The following CCDC198 variants were observed in gnomAD, a reference collection of about 807,000 sequenced individuals.
CCDC198 encodes the protein factor associated with metabolism and energy.
CCDC198 carries 18 observed loss-of-function variants against 35.6 expected under a neutral mutation model. The ratio of observed to expected loss-of-function variants is 0.51; its 90% CI spans 0.35 to 0.75. The LOEUF (loss-of-function observed/expected upper bound fraction) is 0.75. Ranked by LOEUF, CCDC198 falls within the 30% of genes least tolerant of loss-of-function variation. CCDC198 has a pLI of 0.01. For missense variants in CCDC198, 365 were observed against 343.7 expected (o/e 1.06, Z -0.49); for synonymous variants, 119 against 113.4 (o/e 1.05, Z -0.31).
chr14:57,476,928 T>C (rs1411261213), intron 5 of CCDC198, among the ~76,000 whole-genome samples: 1 of 152,190 alleles, frequency 6.6e-6, no homozygotes, highest in Non-Finnish European at 1.5e-5. Context: ...CAAAAAGGAA[T>C]CATCGCTAGG....
intron 5 of CCDC198, among the ~76,000 whole-genome samples, chr14:57,472,477 C>T (rs1274062188): frequency 6.6e-6 from 1 of 152,164 alleles, no homozygotes; most frequent in Non-Finnish European, 1.5e-5. Context: ...GAATATTGCA[C>T]AGGTGACATT....
rs147423851 is a variant in CCDC198, at chr14:57,476,365, G to A, written c.655+4230C>T. 2.4e-3 allele frequency among the ~76,000 whole-genome samples: 369 copies of A among 152,254 alleles called. 2 individuals carry two copies. The highest frequency in any genetic ancestry group is 7.9e-3 in the African/African-American group (328 of 41,550). Reference sequence around the variant, plus strand: ...AAGAAAAGGTCCCTGCCTTCATGGAGCTTCCATTTAGTAGATGCACTACTG... The same window carrying A: ...AAGAAAAGGTCCCTGCCTTCATGGAACTTCCATTTAGTAGATGCACTACTG... On this transcript the variant is annotated intron_variant, in intron 5 of 5. Transcript: ENST00000216445.
intron 2 of CCDC198, among the ~76,000 whole-genome samples, chr14:57,486,981 T>C (rs1348309018): frequency 6.6e-6 from 1 of 152,162 alleles, no homozygotes; most frequent in Non-Finnish European, 1.5e-5. Flanking sequence ...GCACCTGGGA[T>C]CTCTTCATTA....
intron 5 of CCDC198, chr14:57,480,353 C>A: frequency 1.1e-6 from 1 of 930,802 alleles, no homozygotes; most frequent in Non-Finnish European, 1.3e-6. Flanking sequence ...ATGAAGCATG[C>A]AAAGCATATT....
At chr14:57,483,353 T>C in intron 2 of CCDC198, 1 of 677,700 alleles carries the variant, frequency 1.5e-6, no homozygotes, top group Non-Finnish European at 2.4e-6. Context: ...ATTATTCTAG[T>C]GCACTGTCGA....
At chr14:57,475,767 C>T (rs1297880343) in intron 5 of CCDC198, 5 of 344,250 alleles carry the variant, frequency 1.5e-5, no homozygotes, top group African/African-American at 9.9e-5. Context: ...TATTCCCATA[C>T]ATTTGTACGG....
Position 57,480,623 on chromosome 14 carries a change from C to T in CCDC198, c.627G>A (p.Leu209=). The part of the protein sequence containing the change: ...RNDDHDLLTM[L]PDEILNRGPG... ...GACCTCTGTTCAAGATTTCATCAGG[C>T]AACATGGTTAGAAGGTCATGGTCAT... The change falls in exon 5 of 6, where the codon TTG becomes TTA. Residue 209 remains leucine (L), a synonymous_variant. Coordinates refer to ENST00000216445, the MANE Select transcript of CCDC198 (RefSeq NM_018168.4). The T allele has an allele frequency of 1.9e-6, 3 of 1,614,134 alleles. No individual in the cohort carries two copies. Among genetic ancestry groups the T allele is most frequent in the Non-Finnish European group, 2.5e-6 (3 of 1,180,008 alleles).
chr14:57,480,142 A>G (rs2067134485), intron 5 of CCDC198: 1 of 378,272 alleles, frequency 2.6e-6, no homozygotes, highest in African/African-American at 2.2e-5. Flanking sequence ...CATTCTAGAA[A>G]TTCTGAATGT....
chr14:57,471,756 G>T, intron 5 of CCDC198, among the ~76,000 whole-genome samples, 166 bp from the exon 6 acceptor site: 1 of 147,488 alleles, frequency 6.8e-6, no homozygotes, highest in Admixed American at 6.8e-5. Flanking sequence ...ATTTCAACTG[G>T]TGTCTCTGTA....
chr14:57,471,346 A>G lies in CCDC198; in HGVS notation c.*9T>C. 1 of 1,594,022 alleles carries G rather than the reference A, an allele frequency of 6.3e-7. No individual in the cohort carries two copies. The highest frequency in any genetic ancestry group is 8.6e-7 in the Non-Finnish European group (1 of 1,163,432). On this transcript the variant is annotated 3_prime_UTR_variant, in exon 6 of 6. Coordinates refer to ENST00000216445, the MANE Select transcript of CCDC198 (RefSeq NM_018168.4). ...AAGCACTCAGTTTCTAGGTTAATGA[A>G]TAGTATTCTTATTCTTGATCAAAAA...
chr14:57,474,409 CAGCAGG>C lies in CCDC198; in HGVS notation c.656-2825_656-2820del, dbSNP rs546584987. ...GGAATTTTCTAGAACATCCAGCTATCAGCAGGAGCTCTGAAACAGAAGGGGAATGTT... is the reference window on the plus strand; with the variant it reads ...GGAATTTTCTAGAACATCCAGCTATCAGCTCTGAAACAGAAGGGGAATGTT... On this transcript the variant is annotated intron_variant, in intron 5 of 5. Transcript: ENST00000216445. 7.2e-5 allele frequency among the ~76,000 whole-genome samples: 11 copies of C among 152,294 alleles called. No homozygotes were observed. The East Asian group carries it at 2.1e-3, about 29-fold the overall frequency.
At chr14:57,485,040 A>G (rs961891318) in intron 2 of CCDC198, among the ~76,000 whole-genome samples, 10 of 152,200 alleles carry the variant, frequency 6.6e-5, no homozygotes, top group African/African-American at 2.4e-4. Flanking sequence ...GGAGGGTGTT[A>G]TCATACCCTG....
chr14:57,493,422 C>A, intron 1 of CCDC198, 71 bp downstream of exon 1: 1 of 1,274,608 alleles, frequency 7.8e-7, no homozygotes, highest in South Asian at 1.2e-5. Flanking sequence ...ATCATGGAGA[C>A]AGTCAGATAA....
rs1460145396 is a variant in CCDC198 at position 57,471,224 on chromosome 14, C to T, written c.*131G>A. 6 of 670,922 alleles carry T rather than the reference C, an allele frequency of 8.9e-6. No homozygotes were observed. Among genetic ancestry groups the T allele is most frequent in the South Asian group, 8.1e-5 (4 of 49,486 alleles). 41.6% of individuals were successfully genotyped at this position (670,922 alleles called of 1,614,324 possible). A position where few individuals can be genotyped will look rare whatever the true frequency, so the allele number is the denominator to read the frequency against. The stretch of plus-strand genomic sequence containing the variant: ...TGTGACGGACTTGTTAATCATAAGA[C>T]TCTAAAGATATCATTTCTTTTTACC... On this transcript the variant is annotated 3_prime_UTR_variant, in exon 6 of 6. Coordinates refer to ENST00000216445, the MANE Select transcript of CCDC198 (RefSeq NM_018168.4).
intron 5 of CCDC198, among the ~76,000 whole-genome samples, chr14:57,476,383 C>T (rs1242082939): frequency 6.6e-6 from 1 of 152,082 alleles, no homozygotes; most frequent in Non-Finnish European, 1.5e-5. Context: ...TTAGTAGATG[C>T]ACTACTGGGA....
At chr14:57,475,975 G>T (rs911493207) in intron 5 of CCDC198, among the ~76,000 whole-genome samples, 1 of 151,122 alleles carries the variant, frequency 6.6e-6, no homozygotes, top group Non-Finnish European at 1.5e-5. Context: ...CTAATTTTTT[G>T]TATTTTTACT....
chr14:57,492,409 A>G (rs989704877), intron 1 of CCDC198, among the ~76,000 whole-genome samples: 2 of 152,008 alleles, frequency 1.3e-5, no homozygotes, highest in African/African-American at 4.8e-5. Flanking sequence ...AAAACTCTCA[A>G]TGGGGGTTTG....
intron 2 of CCDC198, among the ~76,000 whole-genome samples, chr14:57,484,239 G>A (rs1395665326): frequency 6.6e-6 from 1 of 152,232 alleles, no homozygotes; most frequent in East Asian, 1.9e-4. Context: ...ATGAAGTCAT[G>A]CTGGAGTAGG....
intron 1 of CCDC198, 139 bp from the exon 2 acceptor site, chr14:57,491,210 T>C: frequency 1.3e-6 from 1 of 799,200 alleles, no homozygotes; most frequent in Admixed American, 2.8e-5. Context: ...GGGTTGAATG[T>C]GGAGATGAAA....
Sources: allele counts gnomAD v4.1 joint callset (sites outside exome capture counted in the v4.1 genomes callset), GRCh38; gene constraint gnomAD v4.1.1; transcripts MANE v1.5; gene names NCBI Gene and HGNC (gene_info 2026-07-23, HGNC 2026-07-21).